XIRP2: variants seen among roughly 807,000 people sequenced by gnomAD.
XIRP2 encodes xin actin-binding repeat-containing protein 2.
In XIRP2, 236 loss-of-function variants were observed where a neutral mutation model predicts 277.0. That is an observed-to-expected ratio of 0.85 (90% CI 0.77 to 0.95). The LOEUF (loss-of-function observed/expected upper bound fraction) is 0.95. Ranked by LOEUF, XIRP2 falls within the 40% of genes least tolerant of loss-of-function variation. The pLI is 0.00. For missense variants in XIRP2, 4,640 were observed against 4,157.5 expected (o/e 1.12, Z -3.19); for synonymous variants, 1,490 against 1,416.5 (o/e 1.05, Z -1.17).
chr2:167,158,685 T>G (rs1414020180), intron 3 of XIRP2, among the ~76,000 whole-genome samples: 2 of 152,196 alleles, frequency 1.3e-5, no homozygotes, highest in Non-Finnish European at 2.9e-5. Flanking sequence ...TATTGAAACT[T>G]GTAAATTTTA....
At chr2:166,973,406 G>A (rs1686627228) in intron 2 of XIRP2, among the ~76,000 whole-genome samples, 1 of 152,124 alleles carries the variant, frequency 6.6e-6, no homozygotes, top group Non-Finnish European at 1.5e-5. Context: ...CATTTTAGAT[G>A]TAAGTGTAGC....
At chr2:167,147,377 A>G (rs1486476751) in intron 3 of XIRP2, among the ~76,000 whole-genome samples, 1 of 152,126 alleles carries the variant, frequency 6.6e-6, no homozygotes, top group African/African-American at 2.4e-5. Flanking sequence ...ATCAGGCCCG[A>G]TAAGAGTCTT....
Position 167,254,068 on chromosome 2 carries a change from T to G in XIRP2, c.10592T>G (p.Leu3531Trp). 1.9e-6 allele frequency: 3 copies of G among 1,605,822 alleles called. No individual in the cohort carries two copies. Among genetic ancestry groups the G allele is most frequent in the Non-Finnish European group, 1.7e-6 (2 of 1,175,804 alleles). Residue 3531 changes from leucine to tryptophan, a missense_variant, in exon 10 of 11, where the codon TTG (leucine) becomes TGG (tryptophan). Physicochemically the swap from Leu to Trp is moderately conservative, Grantham distance 61. Coordinates refer to ENST00000409195, the MANE Select transcript of XIRP2 (RefSeq NM_152381.6). ...CCAAGACAAGGAAATATGTATACTT[T>G]GTCAAAAGACAGTTTATCCAATGGA... ...AAPRQGNMYT[L>W]SKDSLSNGVP...
intron 2 of XIRP2, among the ~76,000 whole-genome samples, chr2:167,065,699 T>C (rs1448092746): frequency 6.6e-6 from 1 of 151,970 alleles, no homozygotes; most frequent in African/African-American, 2.4e-5. Flanking sequence ...TATTTCTTTA[T>C]GAGATCCAAA....
At chr2:167,101,284 G>T (rs1366694933) in intron 2 of XIRP2, among the ~76,000 whole-genome samples, 1 of 152,042 alleles carries the variant, frequency 6.6e-6, no homozygotes, top group African/African-American at 2.4e-5. Context: ...TAATCTCCTG[G>T]ATAAAAAATG....
chr2:167,115,302 T>A lies in XIRP2; in HGVS notation c.409-20607T>A, dbSNP rs550206879. Among the ~76,000 whole-genome samples, 3 of 152,330 alleles carry A rather than the reference T, an allele frequency of 2.0e-5. No individual in the cohort carries two copies. The East Asian group carries it at 5.8e-4, about 29-fold the overall frequency. On this transcript the variant is annotated intron_variant, in intron 2 of 10. Transcript: ENST00000409195. Reference sequence around the variant, plus strand: ...CTACCTTGGATTGGGTTTTGATGAATGTCCTTCTGAATCTCAATGATTTTT... The same window carrying A: ...CTACCTTGGATTGGGTTTTGATGAAAGTCCTTCTGAATCTCAATGATTTTT...
Position 167,246,678 on chromosome 2 carries a change from C to T in XIRP2, c.5286C>T (p.His1762=). ...CTTTGGATTATCTGAAACAACTCCA[C>T]ACAGAGTCAAATGAAACACTGACAG... ...AGALDYLKQL[H]TESNETLTAK... The change falls in exon 9 of 11, where the codon CAC becomes CAT. Residue 1762 remains histidine, a synonymous_variant. Transcript: ENST00000409195. The T allele has an allele frequency of 6.2e-7, 1 of 1,613,700 alleles. No homozygotes were observed. Among genetic ancestry groups the T allele is most frequent in the Non-Finnish European group, 8.5e-7 (1 of 1,179,818 alleles).
chr2:167,200,608 A>T (rs752020314), intron 3 of XIRP2, among the ~76,000 whole-genome samples: 21 of 152,218 alleles, frequency 1.4e-4, no homozygotes, highest in Non-Finnish European at 2.2e-4. Context: ...TGTCATATAC[A>T]TTCATAAAAC....
intron 2 of XIRP2, among the ~76,000 whole-genome samples, chr2:166,932,819 T>C (rs1389104792): frequency 6.6e-6 from 1 of 152,158 alleles, no homozygotes; most frequent in Non-Finnish European, 1.5e-5. Context: ...ATACACTGCA[T>C]TGCCATGACA....
Position 167,245,131 on chromosome 2 carries a change from C to T in XIRP2, c.3739C>T (p.Pro1247Ser). The T allele has an allele frequency of 1.2e-6, 2 of 1,611,312 alleles. No individual in the cohort carries two copies. Among genetic ancestry groups the T allele is most frequent in the Non-Finnish European group, 1.7e-6 (2 of 1,179,192 alleles). Reference sequence around the variant, plus strand: ...TTGTAGGTGGCTTTTTGAAAACCAACCAATTGATAAGATAAAAGAAAGCCA... The same window carrying T: ...TTGTAGGTGGCTTTTTGAAAACCAATCAATTGATAAGATAAAAGAAAGCCA... ...LNCRWLFENQPIDKIKESQEG... is the reference protein window; with the variant it reads ...LNCRWLFENQSIDKIKESQEG... The change falls in exon 9 of 11, where the codon CCA (proline) becomes TCA (serine). Residue 1247 changes from proline (P) to serine (S), a missense_variant. Physicochemically the swap from Pro to Ser is moderately conservative, Grantham distance 74. Transcript: ENST00000409195.
intron 1 of XIRP2, among the ~76,000 whole-genome samples, chr2:166,896,357 A>G (rs1684241530): frequency 6.6e-6 from 1 of 152,140 alleles, no homozygotes; most frequent in African/African-American, 2.4e-5. Flanking sequence ...TTTCATGTTC[A>G]TGCCCCTGAA....
chr2:166,971,315 T>G (rs896998332), intron 2 of XIRP2, among the ~76,000 whole-genome samples: 2 of 152,130 alleles, frequency 1.3e-5, no homozygotes, highest in African/African-American at 4.8e-5. Context: ...ACTCAGTGTT[T>G]GTTGAATAAA....
At chr2:166,900,595 T>G (rs1684356617) in intron 1 of XIRP2, among the ~76,000 whole-genome samples, 1 of 152,084 alleles carries the variant, frequency 6.6e-6, no homozygotes. Context: ...TGCATATTAC[T>G]TATGTATTTC....
intron 2 of XIRP2, among the ~76,000 whole-genome samples, chr2:166,963,154 AAC>A (rs1348925295): frequency 6.6e-6 from 1 of 151,816 alleles, no homozygotes; most frequent in Non-Finnish European, 1.5e-5. Context: ...AAATTATTAA[AAC>A]AATTTATAAA....
intron 5 of XIRP2, among the ~76,000 whole-genome samples, chr2:167,236,385 C>T (rs1694899785): frequency 6.6e-6 from 1 of 151,978 alleles, no homozygotes; most frequent in Non-Finnish European, 1.5e-5. Flanking sequence ...CGAACTGCTT[C>T]CTGTGCAGGA....
chr2:167,083,127 G>A (rs1370656417), intron 2 of XIRP2, among the ~76,000 whole-genome samples: 1 of 152,180 alleles, frequency 6.6e-6, no homozygotes, highest in Non-Finnish European at 1.5e-5. Flanking sequence ...TGTATAAGGT[G>A]TAAGGAAGGG....
At chr2:167,153,641 G>C (rs1405956688) in intron 3 of XIRP2, among the ~76,000 whole-genome samples, 17 of 151,308 alleles carry the variant, frequency 1.1e-4, no homozygotes, top group Non-Finnish European at 2.1e-4. Context: ...TCCCACCTAT[G>C]AGTGAGAATG....
At position 167,244,963 on chromosome 2, in the gene XIRP2, G is replaced by C; in HGVS notation, c.3571G>C (p.Asp1191His). 6.2e-7 allele frequency: 1 copy of C among 1,612,838 alleles called. No individual in the cohort carries two copies. The highest frequency in any genetic ancestry group is 8.5e-7 in the Non-Finnish European group (1 of 1,179,556). The change falls in exon 9 of 11, where the codon GAT becomes CAT. Residue 1191 changes from aspartate (D) to histidine (H), a missense_variant. By Grantham distance (81) the Asp-to-His change is moderately conservative. Coordinates refer to ENST00000409195, the MANE Select transcript of XIRP2 (RefSeq NM_152381.6). ...GAAGGAAATCAAGCCTGTTGAAATGGATATACAAGCTGGAGATGTTTCCAG... is the reference window on the plus strand; with the variant it reads ...GAAGGAAATCAAGCCTGTTGAAATGCATATACAAGCTGGAGATGTTTCCAG... ...EVKEIKPVEM[D>H]IQAGDVSSMR... is the part of the protein sequence containing the mutation.
intron 8 of XIRP2, among the ~76,000 whole-genome samples, chr2:167,242,256 C>G (rs1425705291): frequency 4.6e-5 from 7 of 152,124 alleles, no homozygotes; most frequent in Admixed American, 1.3e-4. Context: ...AAGACTTTTA[C>G]TGTTTCCCTC....
Sources: allele counts gnomAD v4.1 joint callset (sites outside exome capture counted in the v4.1 genomes callset), GRCh38; gene constraint gnomAD v4.1.1; transcripts MANE v1.5; gene names NCBI Gene and HGNC (gene_info 2026-07-23, HGNC 2026-07-21).